Variants in MCTP1 observed in about 807,000 individuals in gnomAD.
MCTP1 encodes multiple C2 and transmembrane domain containing 1, also known as multiple C2 and transmembrane domain-containing protein 1.
MCTP1 carries 69 observed loss-of-function variants against 120.6 expected under a neutral mutation model. The ratio of observed to expected loss-of-function variants is 0.57; its 90% CI spans 0.47 to 0.70. The LOEUF (loss-of-function observed/expected upper bound fraction) is 0.70. Among genes scored for constraint, MCTP1 ranks in the 30% least tolerant of loss-of-function variants. MCTP1 has a pLI of 0.00. For synonymous variants in MCTP1, 529 were observed against 493.1 expected (o/e 1.07, Z -0.96); for missense variants, 1,203 against 1,248.8 (o/e 0.96, Z 0.55).
At chr5:94,976,138 A>G (rs1198887588) in intron 2 of MCTP1, among the ~76,000 whole-genome samples, 1 of 152,164 alleles carries the variant, frequency 6.6e-6, no homozygotes, top group Admixed American at 6.5e-5. Flanking sequence ...GTAAAGCTTA[A>G]TATCACAAGA....
chr5:95,004,467 C>T (rs775568573), intron 2 of MCTP1, among the ~76,000 whole-genome samples: 10 of 152,182 alleles, frequency 6.6e-5, no homozygotes, highest in African/African-American at 1.2e-4. Context: ...GCATTTCAGA[C>T]GTCTTTGTGG....
intron 2 of MCTP1, among the ~76,000 whole-genome samples, chr5:94,960,294 T>C (rs924034217): frequency 6.6e-6 from 1 of 152,134 alleles, no homozygotes; most frequent in East Asian, 1.9e-4. Flanking sequence ...GATTTAAACG[T>C]AAGACCTAAA....
intron 19 of MCTP1, among the ~76,000 whole-genome samples, chr5:94,715,288 AT>A (rs942502306): frequency 5.5e-5 from 8 of 145,672 alleles, no homozygotes; most frequent in Non-Finnish European, 1.2e-4. Flanking sequence ...ATAAACCCAA[AT>A]TTTGTTGTGG....
intron 20 of MCTP1, among the ~76,000 whole-genome samples, chr5:94,714,527 G>T (rs1561514381): frequency 6.6e-6 from 1 of 152,052 alleles, no homozygotes; most frequent in East Asian, 1.9e-4. Context: ...ATTTAGGACG[G>T]TGTTATTTCT....
chr5:95,206,558 C>T (rs535093075), intron 1 of MCTP1, among the ~76,000 whole-genome samples: 44 of 152,100 alleles, frequency 2.9e-4, no homozygotes, highest in Non-Finnish European at 5.0e-4. Flanking sequence ...TTTTTTGAGA[C>T]GGAGTCTCAC....
At chr5:95,185,802 C>T (rs1749139294) in intron 1 of MCTP1, among the ~76,000 whole-genome samples, 1 of 152,024 alleles carries the variant, frequency 6.6e-6, no homozygotes. Flanking sequence ...TTGAGACCAG[C>T]CTGGCCAACA....
chr5:94,740,227 G>A (rs1297800827), intron 19 of MCTP1, among the ~76,000 whole-genome samples: 1 of 152,076 alleles, frequency 6.6e-6, no homozygotes, highest in South Asian at 2.1e-4. Flanking sequence ...GTCTCTACAG[G>A]CTGCATACTC....
At chr5:95,079,479 C>G (rs1038481223) in intron 1 of MCTP1, among the ~76,000 whole-genome samples, 2 of 152,132 alleles carry the variant, frequency 1.3e-5, no homozygotes, top group Admixed American at 1.3e-4. Flanking sequence ...TATCTCACTG[C>G]ATTTATATTT....
intron 1 of MCTP1, among the ~76,000 whole-genome samples, chr5:95,278,013 A>C (rs1308287037): frequency 6.6e-6 from 1 of 152,026 alleles, no homozygotes; most frequent in Non-Finnish European, 1.5e-5. Context: ...TGTATTTGGA[A>C]TACAATATTC....
intron 1 of MCTP1, among the ~76,000 whole-genome samples, chr5:95,241,829 C>T (rs1756195304): frequency 6.6e-6 from 1 of 152,158 alleles, no homozygotes; most frequent in Non-Finnish European, 1.5e-5. Flanking sequence ...TGAGTCACTT[C>T]CCCTTCTGGG....
At chr5:95,229,256 A>G (rs1477819473) in intron 1 of MCTP1, among the ~76,000 whole-genome samples, 2 of 152,212 alleles carry the variant, frequency 1.3e-5, no homozygotes, top group Admixed American at 1.3e-4. Flanking sequence ...GGAGCCACTG[A>G]AAATTTTTCA....
chr5:94,894,172 AG>A (rs1419755880), intron 11 of MCTP1, among the ~76,000 whole-genome samples: 1 of 152,234 alleles, frequency 6.6e-6, no homozygotes, highest in Non-Finnish European at 1.5e-5. Flanking sequence ...AAAAAATTAA[AG>A]GAATGAAGTG....
intron 1 of MCTP1, among the ~76,000 whole-genome samples, chr5:95,264,642 G>T (rs1310183416): frequency 2.0e-5 from 3 of 152,118 alleles, no homozygotes; most frequent in Non-Finnish European, 4.4e-5. Flanking sequence ...TGGATTGAAT[G>T]CCCCTCACTT....
intron 2 of MCTP1, among the ~76,000 whole-genome samples, chr5:94,992,756 A>G (rs965990879): frequency 5.9e-5 from 9 of 152,076 alleles, no homozygotes; most frequent in Admixed American, 2.6e-4. Context: ...AGGCCCTCTT[A>G]ATTCACCCTG....
intron 19 of MCTP1, among the ~76,000 whole-genome samples, chr5:94,766,763 C>T (rs1301173326): frequency 6.6e-6 from 1 of 151,818 alleles, no homozygotes; most frequent in Non-Finnish European, 1.5e-5. Context: ...CCTGAATAGG[C>T]CAATAAGAAA....
rs988946064 is a variant in MCTP1, at chr5:94,926,206, G to A, written c.1213-2185C>T. ...TAAAATTAGTCGTAATGTGTACAGAGCTTTAAACATAACACATACTATTAC... is the reference window on the plus strand; with the variant it reads ...TAAAATTAGTCGTAATGTGTACAGAACTTTAAACATAACACATACTATTAC... On this transcript the variant is annotated intron_variant, in intron 6 of 22. Transcript: ENST00000515393. Among the ~76,000 whole-genome samples, 103 of 152,198 alleles carry A rather than the reference G, an allele frequency of 6.8e-4. 1 individual carries two copies. Among genetic ancestry groups the A allele is most frequent in the African/African-American group, 2.2e-3 (92 of 41,542 alleles).
chr5:94,819,029 CTTGG>C (rs1785048790), intron 17 of MCTP1, among the ~76,000 whole-genome samples: 1 of 151,856 alleles, frequency 6.6e-6, no homozygotes, highest in Non-Finnish European at 1.5e-5. Context: ...TCTCAGTTGA[CTTGG>C]TTGGTTTCTT....
chr5:95,021,522 C>A (rs977821980), intron 1 of MCTP1, among the ~76,000 whole-genome samples: 8 of 151,808 alleles, frequency 5.3e-5, no homozygotes, highest in Admixed American at 3.3e-4. Flanking sequence ...TTTCTTCTTT[C>A]GTCTCTATCT....
At chr5:95,002,441 G>A (rs1487423152) in intron 2 of MCTP1, among the ~76,000 whole-genome samples, 5 of 152,196 alleles carry the variant, frequency 3.3e-5, no homozygotes, top group Non-Finnish European at 5.9e-5. Context: ...GATGGGGCTA[G>A]TATCCTGAAA....
Sources: allele counts gnomAD v4.1 joint callset (sites outside exome capture counted in the v4.1 genomes callset), GRCh38; gene constraint gnomAD v4.1.1; transcripts MANE v1.5; gene names NCBI Gene and HGNC (gene_info 2026-07-23, HGNC 2026-07-21).